NAV2: variants seen among roughly 807,000 people sequenced by gnomAD.
NAV2 encodes the protein neuron navigator 2, also known as helicase, APC down-regulated 1.
Under a neutral mutation model 223.2 loss-of-function variants are expected in NAV2, and 54 were observed. The observed-to-expected ratio is 0.24, with a 90% CI of 0.19 to 0.30. The LOEUF (loss-of-function observed/expected upper bound fraction) is 0.30. NAV2 is among the 10% of genes least tolerant of loss of function. NAV2 has a pLI of 1.00. For missense variants in NAV2, 2,806 were observed against 3,147.5 expected, an observed-to-expected ratio of 0.89 and a Z score of 2.60; for synonymous variants, 1,279 against 1,239.3, an observed-to-expected ratio of 1.03 and a Z score of -0.67.
chr11:19,708,083 G>T (rs2049726684), upstream of NAV2, among the ~76,000 whole-genome samples: 1 of 152,158 alleles, frequency 6.6e-6, no homozygotes, highest in African/African-American at 2.4e-5. Context: ...AGCCCCAGAG[G>T]TTACCATTGG....
At chr11:19,471,823 C>T (rs576023651) in intron 1 of NAV2, among the ~76,000 whole-genome samples, 9 of 152,174 alleles carry the variant, frequency 5.9e-5, no homozygotes, top group Non-Finnish European at 1.0e-4. Context: ...GCCAGAGCCA[C>T]CAGAGCCTTG....
At chr11:19,725,750 A>C (rs1201103353) in intron 1 of NAV2, among the ~76,000 whole-genome samples, 2 of 152,240 alleles carry the variant, frequency 1.3e-5, no homozygotes, top group African/African-American at 2.4e-5. Flanking sequence ...TTAGATTTGA[A>C]GTATATGAAT....
chr11:19,389,086 C>A (rs1849150171), intron 1 of NAV2, among the ~76,000 whole-genome samples: 1 of 152,232 alleles, frequency 6.6e-6, no homozygotes. Context: ...TAGCTCACAG[C>A]TGTCCCCATA....
chr11:19,901,420 G>T (rs192069061), intron 6 of NAV2, among the ~76,000 whole-genome samples: 1 of 152,140 alleles, frequency 6.6e-6, no homozygotes, highest in African/African-American at 2.4e-5. Flanking sequence ...GGTGGCGTAC[G>T]CCTGTAGTCC....
chr11:20,025,452 C>T (rs548522463), intron 11 of NAV2, among the ~76,000 whole-genome samples: 8 of 152,292 alleles, frequency 5.3e-5, no homozygotes, highest in African/African-American at 1.9e-4. Context: ...CCAGAGGAGC[C>T]TTGAAGGAGA....
the NAV2 span, among the ~76,000 whole-genome samples, chr11:19,345,499 T>C: frequency 2.6e-5 from 4 of 152,166 alleles, no homozygotes; most frequent in African/African-American, 7.2e-5. This position sits in a 1 kb window ranked among gnomAD's most constrained non-coding sequence, Gnocchi z 5.2. Flanking sequence ...CGGCCCCTCA[T>C]TGAGAGGCTC....
intron 1 of NAV2, among the ~76,000 whole-genome samples, chr11:19,358,501 T>C (rs781502170): frequency 2.3e-4 from 35 of 152,176 alleles, no homozygotes; most frequent in Non-Finnish European, 4.9e-4. Context: ...TAAGTAAAGA[T>C]AAAGTTACCC....
chr11:19,660,633 T>C (rs1460616851), intron 1 of NAV2, among the ~76,000 whole-genome samples: 1 of 152,194 alleles, frequency 6.6e-6, no homozygotes, highest in East Asian at 1.9e-4. Flanking sequence ...TCAACCTTTC[T>C]GATCCCATGT....
At chr11:19,353,019 ACT>A (rs1853412599) in intron 1 of NAV2, among the ~76,000 whole-genome samples, 1 of 151,668 alleles carries the variant, frequency 6.6e-6, no homozygotes, top group South Asian at 2.1e-4. Context: ...CTGAAAGGCG[ACT>A]CTACAGTGTT....
intron 1 of NAV2, among the ~76,000 whole-genome samples, chr11:19,514,662 A>G (rs777832570): frequency 1.8e-4 from 28 of 152,292 alleles, no homozygotes; most frequent in Non-Finnish European, 7.4e-5. Flanking sequence ...CACAAAGGAG[A>G]GAATTCTGGG....
intron 12 of NAV2, among the ~76,000 whole-genome samples, chr11:20,038,111 A>G (rs1042665301): frequency 3.3e-5 from 5 of 152,218 alleles, no homozygotes; most frequent in Non-Finnish European, 7.3e-5. Flanking sequence ...CCTTCTTGCA[A>G]AGCTGGAATT....
intron 1 of NAV2, among the ~76,000 whole-genome samples, chr11:19,451,205 G>A (rs1176674365): frequency 6.6e-6 from 1 of 151,972 alleles, no homozygotes; most frequent in African/African-American, 2.4e-5. Flanking sequence ...CCATCTCCCC[G>A]TTGTTCCAAA....
chr11:19,606,520 C>A (rs1470760384), intron 1 of NAV2, among the ~76,000 whole-genome samples: 2 of 152,224 alleles, frequency 1.3e-5, no homozygotes, highest in African/African-American at 4.8e-5. Flanking sequence ...CCTGCCCCTC[C>A]CAACTGCTTC....
chr11:19,667,742 A>G (rs927283164), intron 1 of NAV2, among the ~76,000 whole-genome samples: 1 of 152,188 alleles, frequency 6.6e-6, no homozygotes, highest in Non-Finnish European at 1.5e-5. Context: ...TTGCTATGAG[A>G]TTAGCTAGAA....
At chr11:19,785,172 G>T (rs1263756973) in intron 1 of NAV2, among the ~76,000 whole-genome samples, 1 of 152,176 alleles carries the variant, frequency 6.6e-6, no homozygotes, top group East Asian at 1.9e-4. Flanking sequence ...AAGAATCTTG[G>T]GATGTTAGTT....
chr11:19,555,012 C>CAAAAAAAAAAAAAAAAAAAA, intron 1 of NAV2, among the ~76,000 whole-genome samples: 1 of 141,554 alleles, frequency 7.1e-6, no homozygotes, highest in African/African-American at 2.7e-5. Context: ...CCATGTTTTG[C>CAAAAAAAAAAAAAAAAAAAA]AAAAAAAAAA....
chr11:19,591,022 A>G (rs1002330969), intron 1 of NAV2: 13 of 152,200 alleles, frequency 8.5e-5, no homozygotes, highest in Non-Finnish European at 1.9e-4. Context: ...CAAATAATTC[A>G]CTTTAGGGCC....
chr11:19,909,805 C>A (rs2043162284), intron 6 of NAV2, among the ~76,000 whole-genome samples: 1 of 152,186 alleles, frequency 6.6e-6, no homozygotes, highest in South Asian at 2.1e-4. Flanking sequence ...GTTCCTCCTC[C>A]TCCTCTTCAT....
At chr11:19,786,114 G>T (rs779273197) in intron 1 of NAV2, among the ~76,000 whole-genome samples, 10 of 152,188 alleles carry the variant, frequency 6.6e-5, no homozygotes, top group Non-Finnish European at 1.2e-4. Flanking sequence ...ATTCCCAGAA[G>T]TGTTTTAGAT....
Sources: allele counts gnomAD v4.1 joint callset (sites outside exome capture counted in the v4.1 genomes callset), GRCh38; gene constraint gnomAD v4.1.1; non-coding constraint Gnocchi (gnomAD v3.1); transcripts MANE v1.5; gene names NCBI Gene and HGNC (gene_info 2026-07-23, HGNC 2026-07-21).